The following ANKRD13A variants were observed in gnomAD, a reference collection of about 807,000 sequenced individuals.
ANKRD13A encodes ankyrin repeat domain-containing protein 13A.
A neutral mutation model predicts 81.3 loss-of-function variants in ANKRD13A; 48 were observed. That is an observed-to-expected ratio of 0.59 (90% confidence interval 0.47 to 0.75). The LOEUF (loss-of-function observed/expected upper bound fraction) is 0.75. ANKRD13A is among the 30% of genes least tolerant of loss of function. ANKRD13A has a pLI of 0.00. For missense variants in ANKRD13A, 612 were observed against 734.0 expected (o/e 0.83, Z 1.92); for synonymous variants, 230 against 270.1 (o/e 0.85, Z 1.45).
chr12:110,011,883 T>G, intron 1 of ANKRD13A, 122 bp from the exon 2 acceptor site: 1 of 922,082 alleles, frequency 1.1e-6, no homozygotes, highest in Non-Finnish European at 1.6e-6. Context: ...TTCTTACATG[T>G]GTTGCTCTAA....
chr12:109,999,314 C>G (rs898553309), upstream of ANKRD13A: 1 of 154,086 alleles, frequency 6.5e-6, no homozygotes, highest in Non-Finnish European at 1.4e-5. The surrounding 1 kb of genome is among the most constrained non-coding windows in gnomAD (Gnocchi z 4.3). Flanking sequence ...TCGGTGTGAG[C>G]TGGAGGTGGG....
intron 9 of ANKRD13A, chr12:110,028,262 T>C (rs1891459806): frequency 9.9e-6 from 4 of 403,572 alleles, no homozygotes; most frequent in Non-Finnish European, 1.3e-5. Context: ...TCTTTTTTTC[T>C]TTGTTATAAT....
Position 110,012,037 on chromosome 12 carries a change from AT to A in ANKRD13A, c.131del (p.Leu44TyrfsTer24). ...VEAVDPRGRT[L>X]LHLAVSLGHL... is the part of the protein sequence containing the mutation. ...AGGCTGTGGACCCACGAGGTCGAAC[AT>A]TATTGCATCTTGCTGTTTCCTTGGG... is the stretch of plus-strand genomic sequence containing the variant. On this transcript the variant is annotated frameshift_variant, in exon 2 of 15. Transcript: ENST00000261739. LOFTEE classifies it high-confidence loss of function. 6.2e-7 allele frequency: 1 copy of A among 1,611,316 alleles called. No individual in the cohort carries two copies. Among genetic ancestry groups the A allele is most frequent in the East Asian group, 2.2e-5 (1 of 44,820 alleles).
In ANKRD13A at chr12:110,029,520, T is replaced by C. The variant is rs750473015; in HGVS notation, c.1119T>C (p.Ser373=). Residue 373 remains serine (S), a synonymous_variant, in exon 11 of 15, where the codon TCT becomes TCC. Transcript: ENST00000261739. ...MLWMCEEFPL[S]LVEQVIPIID... Reference sequence around the variant, plus strand: ...GGATGTGTGAAGAGTTTCCCCTCTCTCTGGTGGAGCAGGTCATTCCCATCA... The same window carrying C: ...GGATGTGTGAAGAGTTTCCCCTCTCCCTGGTGGAGCAGGTCATTCCCATCA... The C allele has an allele frequency of 1.1e-5, 18 of 1,613,848 alleles. No homozygotes were observed. The African/African-American group carries it at 2.4e-4, about 22-fold the overall frequency.
chr12:110,015,379 G>C (rs1396755568), intron 3 of ANKRD13A, among the ~76,000 whole-genome samples: 2 of 152,238 alleles, frequency 1.3e-5, no homozygotes, highest in Admixed American at 6.5e-5. Flanking sequence ...GGATGGAATT[G>C]ACATTCCCTG....
chr12:110,000,755 CTT>C (rs34586781), intron 1 of ANKRD13A, among the ~76,000 whole-genome samples: 38 of 125,852 alleles, frequency 3.0e-4, no homozygotes, highest in Non-Finnish European at 5.8e-4. Flanking sequence ...TTCTTTCCTT[CTT>C]TTTTTTTTTT....
At position 110,037,921 on chromosome 12, in the gene ANKRD13A, CAG is replaced by C. The variant is rs1339378698; in HGVS notation, c.*370_*371del. 2 of 170,140 alleles carry C rather than the reference CAG, an allele frequency of 1.2e-5. No homozygotes were observed. Among genetic ancestry groups the C allele is most frequent in the South Asian group, 1.6e-4 (1 of 6,232 alleles). The allele number at this position is 170,140 out of a possible 1,614,324, so 10.5% of individuals were successfully genotyped here. On this transcript the variant is annotated 3_prime_UTR_variant, in exon 15 of 15. Transcript: ENST00000261739. ...GGAGTGATAACAAGACAAGTTATTG[CAG>C]AGTCAGGGTGCTTTTATATATAAGA... is the stretch of plus-strand genomic sequence containing the variant.
At chr12:110,013,404 A>G (rs1412788057) in intron 3 of ANKRD13A, among the ~76,000 whole-genome samples, 155 bp downstream of exon 3, 1 of 152,236 alleles carries the variant, frequency 6.6e-6, no homozygotes, top group Admixed American at 6.5e-5. Context: ...TTGCCCTTCT[A>G]ATTTGTGGAA....
At chr12:110,009,246 T>A (rs959096836) in intron 1 of ANKRD13A, among the ~76,000 whole-genome samples, 2 of 152,066 alleles carry the variant, frequency 1.3e-5, no homozygotes, top group Non-Finnish European at 2.9e-5. Context: ...CACGCGCGGC[T>A]AATTTTGTAT....
Position 110,024,935 on chromosome 12 carries a change from A to C in ANKRD13A, c.802-807A>C, listed in dbSNP as rs1281165851. ...CAGTTACAATAATTTTTGTCAGTGCACAGAATGCCTTTTAAATAGTGACTT... is the reference window on the plus strand; with the variant it reads ...CAGTTACAATAATTTTTGTCAGTGCCCAGAATGCCTTTTAAATAGTGACTT... On this transcript the variant is annotated intron_variant, in intron 7 of 14. Transcript: ENST00000261739. Among the ~76,000 whole-genome samples the C allele has an allele frequency of 2.0e-5, 3 of 152,248 alleles. No individual in the cohort carries two copies. In the South Asian group the frequency reaches 6.2e-4, roughly 32 times the overall value.
At chr12:110,003,362 G>T (rs1425869815) in intron 1 of ANKRD13A, among the ~76,000 whole-genome samples, 1 of 152,192 alleles carries the variant, frequency 6.6e-6, no homozygotes, top group East Asian at 1.9e-4. Context: ...GATTCAAATC[G>T]CTGAGCCATG....
intron 2 of ANKRD13A, 43 bp downstream of exon 2, chr12:110,012,180 A>G (rs780851488): frequency 5.8e-6 from 9 of 1,560,244 alleles, no homozygotes; most frequent in Non-Finnish European, 7.9e-6. Context: ...TCTGAGCACC[A>G]TGGTGAAACC....
chr12:110,025,213 AGTCATAGTAGCACATGCCT>A (rs930769490), intron 7 of ANKRD13A, among the ~76,000 whole-genome samples: 4 of 152,114 alleles, frequency 2.6e-5, no homozygotes, highest in African/African-American at 9.7e-5. Context: ...AAAATTAACC[AGTCATAGTAGCACATGCCT>A]GTAATCCCAG....
chr12:110,030,813 G>A, intron 12 of ANKRD13A, 55 bp downstream of exon 12: 1 of 1,218,652 alleles, frequency 8.2e-7, no homozygotes, highest in Non-Finnish European at 1.1e-6. Context: ...AAAAATTTAT[G>A]GCCGGACGTG....
intron 14 of ANKRD13A, 63 bp from the exon 15 acceptor site, chr12:110,037,296 T>G: frequency 6.7e-7 from 1 of 1,500,844 alleles, no homozygotes; most frequent in Non-Finnish European, 9.1e-7. Context: ...AGAAATGTAG[T>G]TACTGCTGCC....
At chr12:110,027,483 C>G in intron 8 of ANKRD13A, 3 of 510,464 alleles carry the variant, frequency 5.9e-6, no homozygotes, top group South Asian at 4.6e-5. Flanking sequence ...TCCCATTATT[C>G]TGCTTTAATT....
rs1890552938 is a variant in ANKRD13A, at chr12:110,012,035, A to C, written c.127A>C (p.Thr43Pro). Residue 43 changes from threonine to proline, a missense_variant, in exon 2 of 15, where the codon ACA (threonine) becomes CCA (proline). Coordinates refer to ENST00000261739, the MANE Select transcript of ANKRD13A (RefSeq NM_033121.2). ...NVEAVDPRGR[T>P]LLHLAVSLGH... ...GGAGGCTGTGGACCCACGAGGTCGA[A>C]CATTATTGCATCTTGCTGTTTCCTT... 6.2e-7 allele frequency: 1 copy of C among 1,611,278 alleles called. No homozygotes were observed. Among genetic ancestry groups the C allele is most frequent in the Non-Finnish European group, 8.5e-7 (1 of 1,177,530 alleles).
intron 1 of ANKRD13A, among the ~76,000 whole-genome samples, chr12:110,005,001 G>C (rs7299483): frequency 0.19 from 28,825 of 150,300 alleles, 5,056 homozygotes; most frequent in African/African-American, 0.48. Flanking sequence ...AACATATACA[G>C]ATTGATTTTT....
At chr12:110,028,724 C>A in intron 10 of ANKRD13A, 82 bp downstream of exon 10, 1 of 1,564,030 alleles carries the variant, frequency 6.4e-7, no homozygotes, top group South Asian at 1.1e-5. Flanking sequence ...TGGATCATTC[C>A]ACTGCCCTCC....
Sources: gnomAD v4.1 joint callset for allele counts (sites outside exome capture counted in the v4.1 genomes callset) on GRCh38, gnomAD v4.1.1 for gene constraint, Gnocchi (gnomAD v3.1) non-coding constraint, MANE v1.5 for transcripts, NCBI Gene and HGNC (gene_info 2026-07-23, HGNC 2026-07-21) for gene names.